The following CSMD1 variants were observed in gnomAD, a reference collection of about 807,000 sequenced individuals.
CSMD1 encodes the protein CUB and Sushi multiple domains 1.
Under a neutral mutation model 417.5 loss-of-function variants are expected in CSMD1, and 213 were observed. That is an observed-to-expected ratio of 0.51 (90% CI 0.46 to 0.57). The LOEUF (loss-of-function observed/expected upper bound fraction) is 0.57, where lower values mean the gene tolerates loss of function less well. CSMD1 is among the 20% of genes least tolerant of loss of function. The pLI, the probability that CSMD1 is intolerant of heterozygous loss-of-function variation, is 0.00. For missense variants in CSMD1, 6,923 were observed against 4,529.7 expected, an observed-to-expected ratio of 1.53 and a Z score of -15.17; for synonymous variants, 2,862 against 1,736.8, an observed-to-expected ratio of 1.65 and a Z score of -16.11.
At chr8:3,406,291 G>C (rs10110730) in intron 14 of CSMD1, 70 bp from the exon 15 acceptor site, 24 of 1,288,452 alleles carry the variant, frequency 1.9e-5, no homozygotes, top group Admixed American at 2.6e-5. Context: ...TAAAAAAGAA[G>C]AAAACAGAAC....
At chr8:4,026,596 T>A (rs1797077319) in intron 4 of CSMD1, among the ~76,000 whole-genome samples, 1 of 152,238 alleles carries the variant, frequency 6.6e-6, no homozygotes, top group African/African-American at 2.4e-5. Flanking sequence ...CTAAGGACAC[T>A]GCCACTCACA....
At chr8:4,389,303 T>C (rs79351112) in intron 3 of CSMD1, among the ~76,000 whole-genome samples, 2 of 152,142 alleles carry the variant, frequency 1.3e-5, no homozygotes, top group Non-Finnish European at 2.9e-5. Flanking sequence ...TGCGATCATA[T>C]AACTATGTAA....
chr8:3,195,906 G>T lies in CSMD1; in HGVS notation c.5194+3808C>A, dbSNP rs1259702524. Among the ~76,000 whole-genome samples the T allele has an allele frequency of 2.6e-5, 4 of 152,166 alleles. No homozygotes were observed. The South Asian group carries it at 8.3e-4, about 32-fold the overall frequency. ...GACTTGGAATATTTAAACTGTCAGA[G>T]GTGTTTGATCCAGAGTGACTCCATC... On this transcript the variant is annotated intron_variant, in intron 33 of 69. Transcript: ENST00000635120.
At chr8:3,732,099 G>A (rs1260619927) in intron 6 of CSMD1, among the ~76,000 whole-genome samples, 1 of 152,280 alleles carries the variant, frequency 6.6e-6, no homozygotes, top group Admixed American at 6.5e-5. Flanking sequence ...ATGCCACCAG[G>A]GAAAGGAGGG....
In CSMD1 at chr8:3,367,209, A is replaced by T; in HGVS notation, c.2938T>A (p.Ser980Thr). ...MIFHTFHLESSHDYLLITEDG... is the reference protein window; with the variant it reads ...MIFHTFHLESTHDYLLITEDG... The stretch of plus-strand genomic sequence containing the variant: ...TCTGTGATCAGTAAATAGTCGTGGG[A>T]ACTCTCAAGATGAAAGGTGTGAAAG... Residue 980 changes from serine (S) to threonine (T), a missense_variant, in exon 20 of 70, where the codon TCC becomes ACC. Physicochemically the swap from Ser to Thr is moderately conservative, Grantham distance 58. Transcript: ENST00000635120. The T allele has an allele frequency of 1.2e-6, 2 of 1,613,430 alleles. No homozygotes were observed. Among genetic ancestry groups the T allele is most frequent in the South Asian group, 1.1e-5 (1 of 90,936 alleles).
intron 35 of CSMD1, among the ~76,000 whole-genome samples, chr8:3,188,304 CTTTTTT>C (rs33913660): frequency 3.4e-5 from 3 of 87,624 alleles, no homozygotes; most frequent in African/African-American, 1.4e-4. Context: ...CTTTTCCTTT[CTTTTTT>C]TTTTTTTTTT....
intron 3 of CSMD1, among the ~76,000 whole-genome samples, chr8:4,099,274 C>G (rs1281224223): frequency 6.6e-6 from 1 of 151,894 alleles, no homozygotes; most frequent in African/African-American, 2.4e-5. Flanking sequence ...CTGTTACTTT[C>G]ATCGCCTCTA....
intron 3 of CSMD1, among the ~76,000 whole-genome samples, chr8:4,195,895 C>A (rs962712265): frequency 6.6e-6 from 1 of 152,070 alleles, no homozygotes; most frequent in East Asian, 1.9e-4. Context: ...TCAGCACAGT[C>A]CCACCCCGAG....
intron 2 of CSMD1, among the ~76,000 whole-genome samples, chr8:4,493,728 C>A (rs1027451796): frequency 2.6e-5 from 4 of 152,040 alleles, no homozygotes; most frequent in African/African-American, 9.7e-5. Context: ...AAACAAAAAC[C>A]TAATAATTCA....
At chr8:3,050,674 G>A (rs1811762214) in intron 50 of CSMD1, among the ~76,000 whole-genome samples, 1 of 151,974 alleles carries the variant, frequency 6.6e-6, no homozygotes, top group African/African-American at 2.4e-5. Context: ...AAATACTAAT[G>A]TTGATTCAAT....
chr8:4,956,659 T>C (rs1288738270), intron 1 of CSMD1, among the ~76,000 whole-genome samples: 1 of 152,066 alleles, frequency 6.6e-6, no homozygotes, highest in Non-Finnish European at 1.5e-5. Flanking sequence ...TATGAAACTT[T>C]CAGAAAACAA....
intron 5 of CSMD1, among the ~76,000 whole-genome samples, chr8:3,978,737 C>A (rs1224957944): frequency 1.3e-5 from 2 of 152,094 alleles, no homozygotes; most frequent in African/African-American, 2.4e-5. Flanking sequence ...AAAGACATAT[C>A]CCCAGCATAC....
chr8:4,780,928 G>A (rs1045829860), intron 1 of CSMD1, among the ~76,000 whole-genome samples: 5 of 152,150 alleles, frequency 3.3e-5, no homozygotes, highest in African/African-American at 1.2e-4. Context: ...TTTTTTAAAA[G>A]CATAAGTCTT....
intron 1 of CSMD1, among the ~76,000 whole-genome samples, chr8:4,789,006 T>C (rs955853754): frequency 2.0e-5 from 3 of 152,142 alleles, no homozygotes; most frequent in Non-Finnish European, 2.9e-5. Flanking sequence ...ACTCTCAGCC[T>C]TGAAATCAGA....
intron 1 of CSMD1, among the ~76,000 whole-genome samples, chr8:4,873,204 T>C (rs1422837561): frequency 6.6e-6 from 1 of 152,146 alleles, no homozygotes; most frequent in African/African-American, 2.4e-5. Flanking sequence ...GTAATCTGTA[T>C]TTAATTATTG....
At chr8:4,671,551 C>T (rs1392326825) in intron 1 of CSMD1, among the ~76,000 whole-genome samples, 1 of 152,160 alleles carries the variant, frequency 6.6e-6, no homozygotes, top group African/African-American at 2.4e-5. Context: ...TCACTTTTTC[C>T]TCTCCACGTG....
chr8:4,318,466 A>C (rs922991545), intron 3 of CSMD1, among the ~76,000 whole-genome samples: 1 of 152,260 alleles, frequency 6.6e-6, no homozygotes. Context: ...GGTCATTAGC[A>C]AGTAATGAAA....
intron 3 of CSMD1, among the ~76,000 whole-genome samples, chr8:4,336,634 C>T (rs1800189533): frequency 6.6e-6 from 1 of 152,154 alleles, no homozygotes; most frequent in Admixed American, 6.6e-5. Flanking sequence ...CAAATGAGCA[C>T]ATGAGCATGC....
intron 1 of CSMD1, among the ~76,000 whole-genome samples, chr8:4,963,168 T>C (rs546982656): frequency 8.5e-5 from 13 of 152,186 alleles, no homozygotes; most frequent in African/African-American, 2.9e-4. Context: ...CTTTGGTAAA[T>C]CAGCTGTAAT....
Sources: allele counts gnomAD v4.1 joint callset (sites outside exome capture counted in the v4.1 genomes callset), GRCh38; gene constraint gnomAD v4.1.1; transcripts MANE v1.5; gene names NCBI Gene and HGNC (gene_info 2026-07-23, HGNC 2026-07-21).